CPA6: variants seen among roughly 807,000 people sequenced by gnomAD.
The protein encoded by CPA6 is carboxypeptidase A6.
CPA6 carries 58 observed loss-of-function variants against 63.3 expected under a neutral mutation model. That is an observed-to-expected ratio of 0.92 (90% CI 0.74 to 1.14). The LOEUF (loss-of-function observed/expected upper bound fraction) is 1.14. CPA6 is among the 50% of genes most tolerant of loss of function. The probability of loss-of-function intolerance (pLI) is 0.00; values close to 1 mark genes in which losing one functional copy is unlikely to be tolerated. For synonymous variants in CPA6, 185 were observed against 179.0 expected (o/e 1.03, Z -0.27); for missense variants, 565 against 526.6 (o/e 1.07, Z -0.71).
intron 1 of CPA6, among the ~76,000 whole-genome samples, chr8:67,646,292 G>A (rs1815712148): frequency 6.6e-6 from 1 of 152,192 alleles, no homozygotes; most frequent in Admixed American, 6.5e-5. Flanking sequence ...CATTAAAGAT[G>A]CCCTGTATTT....
At chr8:67,447,506 TACACACACACACAC>T (rs56840320) in intron 8 of CPA6, among the ~76,000 whole-genome samples, 22 of 142,660 alleles carry the variant, frequency 1.5e-4, no homozygotes, top group South Asian at 6.7e-4. Context: ...TATGTGTGTA[TACACACACACACAC>T]ACACACACAC....
intron 1 of CPA6, among the ~76,000 whole-genome samples, chr8:67,651,810 T>C (rs1262079592): frequency 1.3e-5 from 2 of 152,130 alleles, no homozygotes; most frequent in Non-Finnish European, 2.9e-5. Flanking sequence ...GTTACATATG[T>C]ATACATGCGC....
chr8:67,730,782 G>C (rs1189202494), intron 1 of CPA6, among the ~76,000 whole-genome samples: 1 of 152,184 alleles, frequency 6.6e-6, no homozygotes, highest in African/African-American at 2.4e-5. Context: ...GATATCTTTA[G>C]ATTGAGTGAA....
chr8:67,590,692 G>A (rs1393289868), intron 2 of CPA6, among the ~76,000 whole-genome samples: 4 of 152,030 alleles, frequency 2.6e-5, no homozygotes, highest in African/African-American at 9.7e-5. Context: ...GTCTTCTTTT[G>A]AGAAGTGTCT....
chr8:67,438,557 C>T (rs1810215314), intron 8 of CPA6, among the ~76,000 whole-genome samples: 1 of 152,192 alleles, frequency 6.6e-6, no homozygotes, highest in South Asian at 2.1e-4. Context: ...CACTGACATA[C>T]TTTGCAAACA....
chr8:67,482,659 G>A (rs527348524), intron 8 of CPA6, among the ~76,000 whole-genome samples: 22 of 152,302 alleles, frequency 1.4e-4, no homozygotes, highest in African/African-American at 5.3e-4. Context: ...TTAGATCCCA[G>A]TTTGGAGCTA....
intron 1 of CPA6, among the ~76,000 whole-genome samples, chr8:67,677,743 G>T (rs996088319): frequency 1.3e-5 from 2 of 151,724 alleles, no homozygotes; most frequent in African/African-American, 4.8e-5. Flanking sequence ...AAATACCTAG[G>T]GTGGTAAAAA....
In CPA6 at chr8:67,686,290, C is replaced by T. The variant is rs570692312; in HGVS notation, c.116+59724G>A. On this transcript the variant is annotated intron_variant, in intron 1 of 10. Transcript: ENST00000297770. ...GCTCAACTATCTGTTTGAGAGACAT[C>T]ACCATGACAGAAAACCAAGCCATTA... Among the ~76,000 whole-genome samples the T allele has an allele frequency of 1.1e-4, 17 of 152,302 alleles. No individual in the cohort carries two copies. In the East Asian group the frequency reaches 3.3e-3, roughly 29 times the overall value.
chr8:67,705,462 C>A (rs1402122531), intron 1 of CPA6, among the ~76,000 whole-genome samples: 1 of 152,198 alleles, frequency 6.6e-6, no homozygotes, highest in Non-Finnish European at 1.5e-5. Flanking sequence ...GTAATGGGGG[C>A]AAATGGCACC....
chr8:67,509,464 A>G, intron 5 of CPA6, 53 bp downstream of exon 5: 1 of 853,000 alleles, frequency 1.2e-6, no homozygotes, highest in Non-Finnish European at 1.9e-6. Flanking sequence ...AAGTTGAAAA[A>G]GATGGATATT....
At chr8:67,447,148 T>G (rs1393320034) in intron 8 of CPA6, among the ~76,000 whole-genome samples, 1 of 151,560 alleles carries the variant, frequency 6.6e-6, no homozygotes, top group Non-Finnish European at 1.5e-5. Flanking sequence ...ACAAAAGAGC[T>G]ATTTTTACTC....
intron 2 of CPA6, among the ~76,000 whole-genome samples, chr8:67,603,890 T>G (rs719113): frequency 0.18 from 27,204 of 152,216 alleles, 3,168 homozygotes; most frequent in African/African-American, 0.33. Context: ...TCATTAACAC[T>G]TTTTGTCCTT....
At chr8:67,534,565 T>G (rs1003075922) in intron 2 of CPA6, among the ~76,000 whole-genome samples, 6 of 152,338 alleles carry the variant, frequency 3.9e-5, no homozygotes, top group Admixed American at 1.3e-4. Flanking sequence ...ATAGAATAGA[T>G]GCACATTGAA....
At chr8:67,621,528 G>C (rs1047154060) in intron 2 of CPA6, among the ~76,000 whole-genome samples, 1 of 152,226 alleles carries the variant, frequency 6.6e-6, no homozygotes, top group South Asian at 2.1e-4. Flanking sequence ...ACACCGACTA[G>C]ATCCATGTTC....
At chr8:67,456,960 G>C (rs145625823) in intron 8 of CPA6, among the ~76,000 whole-genome samples, 1 of 152,192 alleles carries the variant, frequency 6.6e-6, no homozygotes, top group Non-Finnish European at 1.5e-5. Flanking sequence ...GGAATATAGC[G>C]GCCTCTAGGA....
chr8:67,696,057 CG>C (rs1816907173), intron 1 of CPA6, among the ~76,000 whole-genome samples: 1 of 151,916 alleles, frequency 6.6e-6, no homozygotes, highest in South Asian at 2.1e-4. Flanking sequence ...CAGGCCAAAA[CG>C]GGAGTTACAG....
rs543715051 is a variant in CPA6 at position 67,422,927 on chromosome 8, C to T, written c.1127-236G>A. Reference sequence around the variant, plus strand: ...TCTACGTGTGAATGCCTTACCAGCACGAAGACTAAAATTTCTCAACCTCAA... The same window carrying T: ...TCTACGTGTGAATGCCTTACCAGCATGAAGACTAAAATTTCTCAACCTCAA... On this transcript the variant is annotated intron_variant, in intron 10 of 10. Coordinates refer to ENST00000297770, the MANE Select transcript of CPA6 (RefSeq NM_020361.5). 5.3e-5 allele frequency among the ~76,000 whole-genome samples: 8 copies of T among 152,274 alleles called. No individual in the cohort carries two copies. The South Asian group carries it at 1.0e-3, about 20-fold the overall frequency.
chr8:67,562,866 CT>C (rs1191691795), intron 2 of CPA6, among the ~76,000 whole-genome samples: 1 of 152,186 alleles, frequency 6.6e-6, no homozygotes, highest in Non-Finnish European at 1.5e-5. Context: ...GCCACCTACT[CT>C]TTGGTATTTT....
At chr8:67,455,696 A>C (rs562076800) in intron 8 of CPA6, among the ~76,000 whole-genome samples, 3 of 150,276 alleles carry the variant, frequency 2.0e-5, no homozygotes, top group Non-Finnish European at 4.4e-5. Flanking sequence ...AAAAAAAAGA[A>C]AATGATTGCC....
Sources: allele counts gnomAD v4.1 joint callset (sites outside exome capture counted in the v4.1 genomes callset), GRCh38; gene constraint gnomAD v4.1.1; transcripts MANE v1.5; gene names NCBI Gene and HGNC (gene_info 2026-07-23, HGNC 2026-07-21).